GPC5: variants seen among roughly 807,000 people sequenced by gnomAD.
The protein encoded by GPC5 is glypican-5.
In GPC5, 47 loss-of-function variants were observed where a neutral mutation model predicts 53.9. The observed-to-expected ratio is 0.87, with a 90% confidence interval of 0.69 to 1.11. The LOEUF (loss-of-function observed/expected upper bound fraction) is 1.11. GPC5 is among the 50% of genes most tolerant of loss of function. The pLI is 0.00. For missense variants in GPC5, 748 were observed against 713.1 expected (o/e 1.05, Z -0.56); for synonymous variants, 286 against 263.3 (o/e 1.09, Z -0.84).
intron 1 of GPC5, among the ~76,000 whole-genome samples, chr13:91,419,478 A>G (rs886339649): frequency 6.6e-6 from 1 of 152,240 alleles, no homozygotes; most frequent in Admixed American, 6.5e-5. Flanking sequence ...TACAAAGAAT[A>G]ATCCAGTCAA....
chr13:92,275,933 C>T (rs148764064), intron 7 of GPC5, among the ~76,000 whole-genome samples: 33 of 152,178 alleles, frequency 2.2e-4, no homozygotes, highest in African/African-American at 7.2e-4. Context: ...GCAAAGATCA[C>T]CTTCTGCATT....
intron 2 of GPC5, among the ~76,000 whole-genome samples, chr13:91,576,219 T>C (rs2032128451): frequency 6.6e-6 from 1 of 152,104 alleles, no homozygotes; most frequent in Non-Finnish European, 1.5e-5. Flanking sequence ...AGCAATGTAT[T>C]GTATGCTTGA....
At chr13:91,464,699 G>A (rs991659174) in intron 2 of GPC5, among the ~76,000 whole-genome samples, 7 of 152,122 alleles carry the variant, frequency 4.6e-5, no homozygotes, top group Non-Finnish European at 7.4e-5. Context: ...AAAGGTGGAC[G>A]TGTCTATAAA....
At chr13:92,323,372 ATG>A (rs2043228713) in intron 7 of GPC5, among the ~76,000 whole-genome samples, 1 of 149,274 alleles carries the variant, frequency 6.7e-6, no homozygotes, top group East Asian at 2.0e-4. Context: ...ATATATATAT[ATG>A]TTGTGCATAT....
At chr13:92,178,456 C>A (rs1387786155) in intron 7 of GPC5, among the ~76,000 whole-genome samples, 2 of 149,648 alleles carry the variant, frequency 1.3e-5, no homozygotes, top group Admixed American at 1.3e-4. Context: ...TATATACCAG[C>A]AGTATAGTAA....
chr13:92,267,632 A>G (rs546910835), intron 7 of GPC5, among the ~76,000 whole-genome samples: 10 of 152,188 alleles, frequency 6.6e-5, no homozygotes, highest in South Asian at 4.1e-4. Flanking sequence ...AAATTAAGTC[A>G]TGTCTCTAAT....
chr13:91,497,346 G>C (rs1473749736), intron 2 of GPC5, among the ~76,000 whole-genome samples: 1 of 151,796 alleles, frequency 6.6e-6, no homozygotes, highest in East Asian at 1.9e-4. Flanking sequence ...TACTAAAAAG[G>C]AAAAAAGTCA....
intron 7 of GPC5, among the ~76,000 whole-genome samples, chr13:92,521,830 G>C (rs1365356780): frequency 6.6e-6 from 1 of 152,264 alleles, no homozygotes; most frequent in Admixed American, 6.5e-5. Flanking sequence ...TACCATCAGA[G>C]TGAACAGGCA....
At chr13:92,734,232 C>T (rs957399362) in intron 7 of GPC5, among the ~76,000 whole-genome samples, 1 of 151,818 alleles carries the variant, frequency 6.6e-6, no homozygotes, top group East Asian at 1.9e-4. Context: ...TGACTCTTAA[C>T]ATTTTCAGAC....
chr13:92,154,134 T>C (rs368149777), intron 7 of GPC5, among the ~76,000 whole-genome samples: 3 of 152,094 alleles, frequency 2.0e-5, no homozygotes, highest in South Asian at 2.1e-4. Context: ...GTGTATCACA[T>C]GGAGAGAGAG....
intron 7 of GPC5, among the ~76,000 whole-genome samples, chr13:92,203,404 A>G (rs1407284687): frequency 3.6e-5 from 5 of 137,890 alleles, no homozygotes; most frequent in South Asian, 2.4e-4. Context: ...ACCAAACACC[A>G]CATATTCTCA....
chr13:92,757,380 G>A (rs1449529297), intron 7 of GPC5, among the ~76,000 whole-genome samples: 3 of 152,190 alleles, frequency 2.0e-5, no homozygotes, highest in East Asian at 3.9e-4. Context: ...TAAAAACCAT[G>A]GAAGAAAACC....
chr13:91,609,276 A>T (rs2139295277), intron 2 of GPC5, among the ~76,000 whole-genome samples: 2 of 152,080 alleles, frequency 1.3e-5, no homozygotes, highest in African/African-American at 4.8e-5. Context: ...AGTGGTGGGA[A>T]GATGTAAACA....
intron 1 of GPC5, among the ~76,000 whole-genome samples, chr13:91,413,525 G>T (rs985750151): frequency 6.6e-6 from 1 of 152,132 alleles, no homozygotes; most frequent in African/African-American, 2.4e-5. Flanking sequence ...TCTTAAAAAA[G>T]ATATTTAAAA....
intron 2 of GPC5, among the ~76,000 whole-genome samples, chr13:91,680,985 A>G (rs2035494892): frequency 6.6e-6 from 1 of 152,174 alleles, no homozygotes; most frequent in Non-Finnish European, 1.5e-5. Context: ...ATGTTTTAAA[A>G]TAATTATCAG....
At chr13:92,022,161 A>C (rs1420385522) in intron 6 of GPC5, among the ~76,000 whole-genome samples, 3 of 151,850 alleles carry the variant, frequency 2.0e-5, no homozygotes, top group Non-Finnish European at 4.4e-5. Flanking sequence ...TACCACACCC[A>C]GCTAATTTTT....
At chr13:92,389,949 T>A (rs956574458) in intron 7 of GPC5, among the ~76,000 whole-genome samples, 1 of 152,172 alleles carries the variant, frequency 6.6e-6, no homozygotes, top group African/African-American at 2.4e-5. Flanking sequence ...TTTCTGCTTG[T>A]CATTTCTACC....
chr13:92,509,028 C>G (rs2138948614), intron 7 of GPC5, among the ~76,000 whole-genome samples: 1 of 152,138 alleles, frequency 6.6e-6, no homozygotes, highest in South Asian at 2.1e-4. Flanking sequence ...AGATAACATC[C>G]TAAAAAGAAT....
chr13:91,497,726 G>A (rs1884356253), intron 2 of GPC5, among the ~76,000 whole-genome samples: 2 of 152,136 alleles, frequency 1.3e-5, no homozygotes, highest in Non-Finnish European at 2.9e-5. Flanking sequence ...ATGCTTGATG[G>A]TATCAACATG....
Sources: allele counts gnomAD v4.1 joint callset (sites outside exome capture counted in the v4.1 genomes callset), GRCh38; gene constraint gnomAD v4.1.1; transcripts MANE v1.5; gene names NCBI Gene and HGNC (gene_info 2026-07-23, HGNC 2026-07-21).